Variants in CDH12 observed in about 807,000 individuals in gnomAD.
CDH12 encodes cadherin-12.
Under a neutral mutation model 74.1 loss-of-function variants are expected in CDH12, and 41 were observed. The observed-to-expected ratio is 0.55, with a 90% CI of 0.43 to 0.72. The LOEUF (loss-of-function observed/expected upper bound fraction) is 0.72, where lower values mean the gene tolerates loss of function less well. Among genes scored for constraint, CDH12 ranks in the 30% least tolerant of loss-of-function variants. The pLI, the probability that CDH12 is intolerant of heterozygous loss-of-function variation, is 0.00. For synonymous variants in CDH12, 399 were observed against 355.0 expected, an observed-to-expected ratio of 1.12 and a Z score of -1.39; for missense variants, 945 against 977.2, an observed-to-expected ratio of 0.97 and a Z score of 0.44.
chr5:22,450,016 C>T (rs1025765245), intron 2 of CDH12, among the ~76,000 whole-genome samples: 2 of 151,890 alleles, frequency 1.3e-5, no homozygotes, highest in Non-Finnish European at 2.9e-5. Context: ...AATACTAATT[C>T]CCTTAAAAAT....
At chr5:21,979,234 G>A (rs1757203154) in intron 5 of CDH12, among the ~76,000 whole-genome samples, 1 of 152,246 alleles carries the variant, frequency 6.6e-6, no homozygotes, top group East Asian at 1.9e-4. Context: ...TACATTTACT[G>A]ATTGAAGCAG....
At chr5:22,616,758 C>T (rs1247888438) in intron 1 of CDH12, among the ~76,000 whole-genome samples, 1 of 151,958 alleles carries the variant, frequency 6.6e-6, no homozygotes, top group East Asian at 1.9e-4. Flanking sequence ...TTCTAAAATT[C>T]TTATGTTGAA....
At chr5:22,501,723 T>C (rs1354332254) in intron 2 of CDH12, among the ~76,000 whole-genome samples, 1 of 149,502 alleles carries the variant, frequency 6.7e-6, no homozygotes, top group African/African-American at 2.5e-5. Context: ...AAATGATTTT[T>C]AGTTATGCCT....
chr5:21,845,941 G>A (rs951719385), intron 7 of CDH12, among the ~76,000 whole-genome samples: 10 of 152,236 alleles, frequency 6.6e-5, no homozygotes, highest in Non-Finnish European at 1.3e-4. Flanking sequence ...AAGCAAGCTG[G>A]AAGCTTGCTC....
rs114233798 is a variant in CDH12 at position 22,819,081 on chromosome 5, C to T, written c.-523+33977G>A. Among the ~76,000 whole-genome samples, 594 of 152,130 alleles carry T rather than the reference C, an allele frequency of 3.9e-3. 1 individual carries two copies. The highest frequency in any genetic ancestry group is 6.6e-3 in the Non-Finnish European group (447 of 67,970). ...TGATTAAAAAATCTGAAAAATGAAT[C>T]AGTGTGTTGGAGAAAAAGTTAAAGA... On this transcript the variant is annotated intron_variant, in intron 1 of 14. Coordinates refer to ENST00000382254, the MANE Select transcript of CDH12 (RefSeq NM_004061.5).
intron 6 of CDH12, among the ~76,000 whole-genome samples, chr5:21,945,345 G>A (rs1390987224): frequency 7.2e-6 from 1 of 139,642 alleles, no homozygotes; most frequent in Non-Finnish European, 1.5e-5. Flanking sequence ...AGAATCACTT[G>A]AACCTGGGAG....
At chr5:22,701,425 AAG>A (rs1363585046) in intron 1 of CDH12, among the ~76,000 whole-genome samples, 1 of 152,068 alleles carries the variant, frequency 6.6e-6, no homozygotes, top group Admixed American at 6.5e-5. Flanking sequence ...ATTAAAAAAA[AAG>A]ATTGTCACTT....
chr5:22,086,217 C>T (rs941133823), intron 4 of CDH12, among the ~76,000 whole-genome samples: 1 of 152,170 alleles, frequency 6.6e-6, no homozygotes, highest in African/African-American at 2.4e-5. Flanking sequence ...ACTCAATGAT[C>T]TTAACTTATG....
intron 6 of CDH12, among the ~76,000 whole-genome samples, chr5:21,941,845 A>G (rs1225071607): frequency 6.6e-6 from 1 of 151,836 alleles, no homozygotes; most frequent in East Asian, 1.9e-4. Context: ...CATTTGGAAG[A>G]ATGTTTTGTT....
At chr5:22,768,030 G>A (rs542135749) in intron 1 of CDH12, among the ~76,000 whole-genome samples, 1 of 151,978 alleles carries the variant, frequency 6.6e-6, no homozygotes, top group African/African-American at 2.4e-5. Context: ...GTGAAAAAAA[G>A]ACAAGGAAAA....
chr5:22,335,203 C>T (rs1342778127), intron 3 of CDH12, among the ~76,000 whole-genome samples: 2 of 152,014 alleles, frequency 1.3e-5, no homozygotes, highest in African/African-American at 4.8e-5. Context: ...GGCTATGTGC[C>T]CCCACCCAAA....
chr5:21,904,024 T>C (rs1424685421), intron 6 of CDH12, among the ~76,000 whole-genome samples: 1 of 152,134 alleles, frequency 6.6e-6, no homozygotes, highest in African/African-American at 2.4e-5. Flanking sequence ...CATGCAGCAA[T>C]ATTCAAGACT....
Position 21,911,892 on chromosome 5 carries a change from T to G in CDH12, c.527-57102A>C, listed in dbSNP as rs183409207. Among the ~76,000 whole-genome samples, 271 of 152,282 alleles carry G rather than the reference T, an allele frequency of 1.8e-3. 1 individual carries two copies. Among genetic ancestry groups the G allele is most frequent in the Admixed American group, 3.1e-3 (47 of 15,284 alleles). The stretch of plus-strand genomic sequence containing the variant: ...TTAAAAAGTTTATAACATTTGTGAT[T>G]GTATTAGATTTGTTTGGAATGTGAT... On this transcript the variant is annotated intron_variant, in intron 6 of 14. Coordinates refer to ENST00000382254, the MANE Select transcript of CDH12 (RefSeq NM_004061.5).
At chr5:21,867,004 G>T (rs903032441) in intron 6 of CDH12, among the ~76,000 whole-genome samples, 9 of 152,300 alleles carry the variant, frequency 5.9e-5, no homozygotes, top group African/African-American at 1.9e-4. Context: ...GAGGGGTCAA[G>T]CCTCAAGCCC....
chr5:22,107,359 T>G (rs1430705297), intron 4 of CDH12, among the ~76,000 whole-genome samples: 1 of 151,786 alleles, frequency 6.6e-6, no homozygotes, highest in Non-Finnish European at 1.5e-5. Flanking sequence ...CTTGAACTCC[T>G]GACCTCAGGT....
intron 6 of CDH12, among the ~76,000 whole-genome samples, chr5:21,878,065 A>G (rs1752033946): frequency 1.3e-5 from 2 of 152,236 alleles, no homozygotes. Flanking sequence ...AAGTAATGAT[A>G]GAAATAGTGT....
intron 3 of CDH12, among the ~76,000 whole-genome samples, chr5:22,303,252 C>T (rs755388705): frequency 6.6e-6 from 1 of 151,896 alleles, no homozygotes; most frequent in Non-Finnish European, 1.5e-5. Context: ...TAGTCTTTGT[C>T]AATACAATGA....
At chr5:22,287,722 C>CAAA (rs35636015) in intron 3 of CDH12, among the ~76,000 whole-genome samples, 27 of 126,858 alleles carry the variant, frequency 2.1e-4, no homozygotes, top group Middle Eastern at 4.0e-3. Flanking sequence ...GACTCCGTCT[C>CAAA]AAAAAAAAAA....
At chr5:22,533,211 G>T (rs1458828952) in intron 1 of CDH12, among the ~76,000 whole-genome samples, 1 of 152,076 alleles carries the variant, frequency 6.6e-6, no homozygotes, top group South Asian at 2.1e-4. Flanking sequence ...TGGACGAAGG[G>T]CACTCCCAGC....
Sources: gnomAD v4.1 joint callset for allele counts (sites outside exome capture counted in the v4.1 genomes callset) on GRCh38, gnomAD v4.1.1 for gene constraint, MANE v1.5 for transcripts, NCBI Gene and HGNC (gene_info 2026-07-23, HGNC 2026-07-21) for gene names.